Variants in FARS2 observed in about 807,000 individuals in gnomAD.
FARS2 encodes the protein phenylalanine--tRNA ligase, mitochondrial.
A neutral mutation model predicts 46.4 loss-of-function variants in FARS2; 40 were observed. That is an observed-to-expected ratio of 0.86 (90% CI 0.67 to 1.12). The LOEUF is 1.12. Ranked by LOEUF, FARS2 falls within the 50% of genes most tolerant of loss-of-function variation. FARS2 has a pLI of 0.00. For synonymous variants in FARS2, 234 were observed against 214.9 expected (o/e 1.09, Z -0.78); for missense variants, 513 against 567.9 (o/e 0.90, Z 0.98).
intron 1 of FARS2, among the ~76,000 whole-genome samples, chr6:5,270,661 AT>A (rs943119711): frequency 6.6e-6 from 1 of 152,168 alleles, no homozygotes; most frequent in African/African-American, 2.4e-5. Context: ...ATAGACAGTA[AT>A]TTTTATATCA....
chr6:5,460,865 G>C (rs1399134216), intron 4 of FARS2, among the ~76,000 whole-genome samples: 2 of 152,082 alleles, frequency 1.3e-5, no homozygotes, highest in Non-Finnish European at 2.9e-5. Flanking sequence ...AGGAAGGCCA[G>C]GAAATGTGGT....
At position 5,695,604 on chromosome 6, in the gene FARS2, G is replaced by A. The variant is rs370358727; in HGVS notation, c.1218-75687G>A. On this transcript the variant is annotated intron_variant, in intron 6 of 6. Coordinates refer to ENST00000274680, the MANE Select transcript of FARS2 (RefSeq NM_006567.5). The stretch of plus-strand genomic sequence containing the variant: ...ACAGATGAGGAAATTGAAGTTCTGG[G>A]AGGATGAGTAACTTGTAGAAGGTCA... Among the ~76,000 whole-genome samples the A allele has an allele frequency of 1.2e-4, 18 of 152,322 alleles. No individual in the cohort carries two copies. The South Asian group carries it at 2.9e-3, about 25-fold the overall frequency.
At chr6:5,631,072 A>G (rs1353963534) in intron 6 of FARS2, among the ~76,000 whole-genome samples, 4 of 152,216 alleles carry the variant, frequency 2.6e-5, no homozygotes, top group African/African-American at 9.6e-5. Flanking sequence ...ACAATTTGAA[A>G]TTAGACTTGA....
chr6:5,425,281 CTG>C (rs1762784849), intron 3 of FARS2, among the ~76,000 whole-genome samples: 1 of 152,154 alleles, frequency 6.6e-6, no homozygotes, highest in South Asian at 2.1e-4. Context: ...ATTCTACCAT[CTG>C]TGGAAGGCAG....
At chr6:5,267,384 C>G (rs1217829040) in intron 1 of FARS2, among the ~76,000 whole-genome samples, 1 of 152,044 alleles carries the variant, frequency 6.6e-6, no homozygotes, top group Non-Finnish European at 1.5e-5. Flanking sequence ...ATCAAACTAG[C>G]TACAGCTTAT....
intron 1 of FARS2, among the ~76,000 whole-genome samples, chr6:5,334,079 A>G (rs998209444): frequency 6.6e-6 from 1 of 152,208 alleles, no homozygotes; most frequent in Non-Finnish European, 1.5e-5. Context: ...ATACATTTAA[A>G]ATGTTTGTGG....
At chr6:5,259,850 C>T (rs1255725793), upstream of FARS2, among the ~76,000 whole-genome samples, 1 of 152,052 alleles carries the variant, frequency 6.6e-6, no homozygotes, top group Non-Finnish European at 1.5e-5. Flanking sequence ...GAGAGAGAAT[C>T]CATAAGAAAA....
At chr6:5,430,593 T>C (rs576858575) in intron 3 of FARS2, among the ~76,000 whole-genome samples, 129 of 151,794 alleles carry the variant, frequency 8.5e-4, no homozygotes, top group African/African-American at 2.9e-3. Flanking sequence ...TATATACTTA[T>C]GGAAGTAAAA....
At chr6:5,690,120 C>T (rs1262975710) in intron 6 of FARS2, among the ~76,000 whole-genome samples, 2 of 152,138 alleles carry the variant, frequency 1.3e-5, no homozygotes, top group Non-Finnish European at 2.9e-5. Context: ...TTCCTGAATA[C>T]AGCACACTGA....
intron 5 of FARS2, among the ~76,000 whole-genome samples, chr6:5,600,879 G>A (rs1344508976): frequency 2.0e-5 from 3 of 152,200 alleles, no homozygotes; most frequent in African/African-American, 7.2e-5. Flanking sequence ...CTAAATGTTT[G>A]TGTCCCTCCC....
chr6:5,278,885 G>A (rs1425466992), intron 1 of FARS2, among the ~76,000 whole-genome samples: 1 of 152,216 alleles, frequency 6.6e-6, no homozygotes, highest in Non-Finnish European at 1.5e-5. Flanking sequence ...GTAGAGAGGA[G>A]GATAGAGTCT....
chr6:5,368,454 A>G (rs1375950396), intron 1 of FARS2, 96 bp from the exon 2 acceptor site: 6 of 1,085,448 alleles, frequency 5.5e-6, no homozygotes, highest in Non-Finnish European at 8.0e-6. Context: ...GAAACATGCC[A>G]GTAGGACAAG....
At chr6:5,626,416 A>G (rs1776033464) in intron 6 of FARS2, among the ~76,000 whole-genome samples, 1 of 152,182 alleles carries the variant, frequency 6.6e-6, no homozygotes, top group East Asian at 1.9e-4. Flanking sequence ...ACTGGACATG[A>G]CAGTGACTCC....
At chr6:5,407,066 TAATGACCAATAA>T (rs1761656120) in intron 3 of FARS2, among the ~76,000 whole-genome samples, 2 of 109,686 alleles carry the variant, frequency 1.8e-5, no homozygotes, top group Non-Finnish European at 3.9e-5. Flanking sequence ...TATATATATA[TAATGACCAATAA>T]ATATATGAAA....
intron 5 of FARS2, among the ~76,000 whole-genome samples, chr6:5,593,176 G>A (rs979052284): frequency 2.6e-5 from 4 of 152,150 alleles, no homozygotes; most frequent in African/African-American, 9.7e-5. Context: ...AGAACAGACA[G>A]GATCCTGCCG....
At chr6:5,669,419 T>A (rs1778334910) in intron 6 of FARS2, among the ~76,000 whole-genome samples, 1 of 151,688 alleles carries the variant, frequency 6.6e-6, no homozygotes, top group African/African-American at 2.4e-5. Flanking sequence ...GGAAATGTTT[T>A]AAAAATTAAG....
intron 6 of FARS2, among the ~76,000 whole-genome samples, chr6:5,614,094 C>G (rs1775333212): frequency 6.6e-6 from 1 of 152,118 alleles, no homozygotes. Context: ...TGATGTGTTT[C>G]CAGGGCCAGG....
intron 3 of FARS2, among the ~76,000 whole-genome samples, chr6:5,409,751 T>G (rs1251958672): frequency 6.6e-6 from 1 of 152,214 alleles, no homozygotes; most frequent in Non-Finnish European, 1.5e-5. Flanking sequence ...TTCTTTCCTT[T>G]GAGCCATGGT....
intron 6 of FARS2, among the ~76,000 whole-genome samples, chr6:5,754,245 G>A (rs996177575): frequency 5.3e-5 from 8 of 152,298 alleles, no homozygotes; most frequent in Admixed American, 1.3e-4. Context: ...GAGTGGGTCC[G>A]TGTGCCTTCA....
Sources: gnomAD v4.1 joint callset for allele counts (sites outside exome capture counted in the v4.1 genomes callset) on GRCh38, gnomAD v4.1.1 for gene constraint, MANE v1.5 for transcripts, NCBI Gene and HGNC (gene_info 2026-07-23, HGNC 2026-07-21) for gene names.